Variants in TAF4B observed in about 807,000 individuals in gnomAD.
The protein encoded by TAF4B is TATA-box binding protein associated factor 4b.
A neutral mutation model predicts 86.4 loss-of-function variants in TAF4B; 38 were observed. The observed-to-expected ratio is 0.44, with a 90% confidence interval of 0.34 to 0.58. TAF4B has a LOEUF of 0.58. TAF4B is among the 20% of genes least tolerant of loss of function. The pLI is 0.02. For synonymous variants in TAF4B, 388 were observed against 391.2 expected, an observed-to-expected ratio of 0.99 and a Z score of 0.10; for missense variants, 988 against 1,027.6, an observed-to-expected ratio of 0.96 and a Z score of 0.53.
At chr18:26,348,730 T>C (rs2057220843) in intron 13 of TAF4B, 1 of 153,590 alleles carries the variant, frequency 6.5e-6, no homozygotes, top group African/African-American at 2.4e-5. Context: ...GTCCTTGTCT[T>C]GGCAACCAGA....
chr18:26,261,390 CG>C lies in TAF4B; in HGVS notation c.344-3776del, dbSNP rs761841778. 5.6e-4 allele frequency among the ~76,000 whole-genome samples: 85 copies of C among 151,876 alleles called. 1 individual carries two copies. The highest frequency in any genetic ancestry group is 1.2e-3 in the African/African-American group (49 of 41,444). On this transcript the variant is annotated intron_variant, in intron 1 of 14. Coordinates refer to ENST00000269142, the MANE Select transcript of TAF4B (RefSeq NM_005640.3). ...TAATTTTTTGTATTTTTAGTAGAGACGGGGTTTCACCGTTTTAGCCGGGATG... is the reference window on the plus strand; with the variant it reads ...TAATTTTTTGTATTTTTAGTAGAGACGGGTTTCACCGTTTTAGCCGGGATG...
rs549653792 is a variant in TAF4B at position 26,229,966 on chromosome 18, T to A, written c.343+2690T>A. Among the ~76,000 whole-genome samples, 599 of 146,722 alleles carry A rather than the reference T, an allele frequency of 4.1e-3. 5 individuals carry two copies. Among genetic ancestry groups the A allele is most frequent in the African/African-American group, 0.01 (377 of 37,464 alleles). ...GAACAGAACTGGTTTAAAAAAAAAATATATATATATATACACACACACACA... is the reference window on the plus strand; with the variant it reads ...GAACAGAACTGGTTTAAAAAAAAAAAATATATATATATACACACACACACA... On this transcript the variant is annotated intron_variant, in intron 1 of 14. Transcript: ENST00000269142.
intron 9 of TAF4B, chr18:26,304,896 CTTA>C: frequency 1.0e-6 from 1 of 985,146 alleles, no homozygotes; most frequent in Non-Finnish European, 1.2e-6. Context: ...AAATTTCTGA[CTTA>C]TTACTTTCGC....
chr18:26,364,858 C>T (rs189741574), intron 14 of TAF4B, among the ~76,000 whole-genome samples: 4 of 152,208 alleles, frequency 2.6e-5, no homozygotes, highest in Non-Finnish European at 1.5e-5. Context: ...ATCAGGTTTA[C>T]AGCACCAGAT....
At chr18:26,286,605 G>C (rs77639469) in intron 7 of TAF4B, 106 bp downstream of exon 7, 3 of 1,258,102 alleles carry the variant, frequency 2.4e-6, no homozygotes, top group Non-Finnish European at 2.1e-6. Flanking sequence ...TACTGTTTAC[G>C]GGTTTGACCA....
rs1383173441 is a variant in TAF4B at position 26,390,938 on chromosome 18, A to AT, written c.*932dup. 2.6e-5 allele frequency: 4 copies of AT among 152,132 alleles called. No homozygotes were observed. The highest frequency in any genetic ancestry group is 5.9e-5 in the Non-Finnish European group (4 of 68,012). 9.4% of individuals were successfully genotyped at this position (152,132 alleles called of 1,614,324 possible). A position where few individuals can be genotyped will look rare whatever the true frequency, so the allele number is the denominator to read the frequency against. ...TAGAGTATTTCAAAAGGAAAATGTT[A>AT]TTTTTTGTTTTGTATTGTTTTAAAT... On this transcript the variant is annotated 3_prime_UTR_variant, in exon 15 of 15. Coordinates refer to ENST00000269142, the MANE Select transcript of TAF4B (RefSeq NM_005640.3).
intron 14 of TAF4B, among the ~76,000 whole-genome samples, chr18:26,358,878 C>T (rs2057309937): frequency 6.6e-6 from 1 of 152,176 alleles, no homozygotes; most frequent in Non-Finnish European, 1.5e-5. Flanking sequence ...GGCAAACTTC[C>T]TACCATTGTT....
intron 1 of TAF4B, among the ~76,000 whole-genome samples, chr18:26,261,378 T>C (rs2144527867): frequency 6.6e-6 from 1 of 151,944 alleles, no homozygotes; most frequent in Middle Eastern, 3.4e-3. Context: ...TTTTTTGTAT[T>C]TTTAGTAGAG....
chr18:26,345,261 C>A (rs2057167586), intron 13 of TAF4B, among the ~76,000 whole-genome samples: 1 of 152,224 alleles, frequency 6.6e-6, no homozygotes, highest in Non-Finnish European at 1.5e-5. Context: ...GAGCCCACAT[C>A]TCGGGCCTGA....
At chr18:26,320,683 G>A (rs1337650250) in intron 10 of TAF4B, among the ~76,000 whole-genome samples, 1 of 152,148 alleles carries the variant, frequency 6.6e-6, no homozygotes, top group Non-Finnish European at 1.5e-5. Context: ...TGTTAACAGT[G>A]TCAAACAGGG....
chr18:26,284,285 A>G (rs1234599006), intron 6 of TAF4B, among the ~76,000 whole-genome samples: 2 of 152,222 alleles, frequency 1.3e-5, no homozygotes, highest in East Asian at 3.8e-4. Context: ...CTTTTGCTTA[A>G]GGGAATGTTG....
chr18:26,383,919 T>C (rs990407340), intron 14 of TAF4B, among the ~76,000 whole-genome samples: 1 of 152,254 alleles, frequency 6.6e-6, no homozygotes, highest in African/African-American at 2.4e-5. Context: ...TTTTCTGTCC[T>C]GTGTTCCCCT....
At chr18:26,280,000 C>T (rs745695235) in intron 5 of TAF4B, among the ~76,000 whole-genome samples, 6 of 150,794 alleles carry the variant, frequency 4.0e-5, no homozygotes, top group East Asian at 3.9e-4. Flanking sequence ...GCCAAGATCA[C>T]GCCACTGCAC....
chr18:26,313,433 G>T (rs995414226), intron 9 of TAF4B, among the ~76,000 whole-genome samples: 1 of 152,076 alleles, frequency 6.6e-6, no homozygotes, highest in Admixed American at 6.6e-5. Flanking sequence ...TATATAGGTG[G>T]CAGAGTGATT....
intron 14 of TAF4B, 123 bp downstream of exon 14, chr18:26,357,917 C>G (rs2057300815): frequency 1.7e-6 from 1 of 581,402 alleles, no homozygotes; most frequent in African/African-American, 1.9e-5. Flanking sequence ...TCTTAAAATT[C>G]ATCTTTGCCA....
chr18:26,341,403 A>G (rs2057134198), intron 13 of TAF4B, among the ~76,000 whole-genome samples: 1 of 152,192 alleles, frequency 6.6e-6, no homozygotes, highest in South Asian at 2.1e-4. Flanking sequence ...AGGACTGGAA[A>G]GAAAATGAGA....
At chr18:26,324,698 C>T (rs1045633028) in intron 11 of TAF4B, among the ~76,000 whole-genome samples, 2 of 152,158 alleles carry the variant, frequency 1.3e-5, no homozygotes, top group African/African-American at 4.8e-5. Flanking sequence ...CCTATTCTGA[C>T]TGATTTTCCC....
At position 26,256,114 on chromosome 18, in the gene TAF4B, C is replaced by T. The variant is rs192321442; in HGVS notation, c.344-9056C>T. ...ATGTAGTCTTTAGACTGGGTCCAGC[C>T]CTTGCATCTACCACATGATTCCAGT... On this transcript the variant is annotated intron_variant, in intron 1 of 14. Coordinates refer to ENST00000269142, the MANE Select transcript of TAF4B (RefSeq NM_005640.3). The T allele has an allele frequency of 5.3e-5, 83 of 1,557,326 alleles. No individual in the cohort carries two copies. In the East Asian group the frequency reaches 1.7e-3, roughly 32 times the overall value.
intron 9 of TAF4B, among the ~76,000 whole-genome samples, chr18:26,309,610 T>C (rs752000822): frequency 3.3e-5 from 5 of 152,156 alleles, no homozygotes; most frequent in Non-Finnish European, 7.3e-5. Flanking sequence ...TTTGATATGT[T>C]AATTTTTGTT....
Sources: gnomAD v4.1 joint callset for allele counts (sites outside exome capture counted in the v4.1 genomes callset) on GRCh38, gnomAD v4.1.1 for gene constraint, MANE v1.5 for transcripts, NCBI Gene and HGNC (gene_info 2026-07-23, HGNC 2026-07-21) for gene names.